The following S100PBP variants were observed in gnomAD, a reference collection of about 807,000 sequenced individuals.
The protein encoded by S100PBP is S100P-binding protein.
Under a neutral mutation model 39.9 loss-of-function variants are expected in S100PBP, and 15 were observed. That is an observed-to-expected ratio of 0.38 (90% CI 0.25 to 0.58). The LOEUF is 0.58. Among genes scored for constraint, S100PBP ranks in the 20% least tolerant of loss-of-function variants. The pLI is 0.70. For missense variants in S100PBP, 504 were observed against 487.3 expected (o/e 1.03, Z -0.32); for synonymous variants, 178 against 180.3 (o/e 0.99, Z 0.10).
At position 32,826,401 on chromosome 1, in the gene S100PBP, C is replaced by T. The variant is rs969356112; in HGVS notation, c.302C>T (p.Ser101Leu). ...LLDTPREKNS[S>L]YSLGPVAETP... The stretch of plus-strand genomic sequence containing the variant: ...GATACTCCCCGAGAGAAAAATTCAT[C>T]GTACAGCCTGGGACCAGTAGCTGAG... The change falls in exon 3 of 7, where the codon TCG (serine) becomes TTG (leucine). Residue 101 changes from serine (S) to leucine (L), a missense_variant. Transcript: ENST00000373475. The T allele has an allele frequency of 2.3e-5, 37 of 1,613,928 alleles. No homozygotes were observed. The highest frequency in any genetic ancestry group is 5.3e-5 in the African/African-American group (4 of 74,904).
At chr1:32,823,407 ACACC>A (rs1351257743) in intron 1 of S100PBP, among the ~76,000 whole-genome samples, 7 of 152,370 alleles carry the variant, frequency 4.6e-5, no homozygotes, top group African/African-American at 1.7e-4. Context: ...AGCTGCTTCA[ACACC>A]TAGAACTCTC....
At position 32,856,067 on chromosome 1, in the gene S100PBP, C is replaced by T; in HGVS notation, c.*29C>T. ...GTGTCATCCCATCAGCAATGAAGGT[C>T]CCTATCCAGGGTCCTGCTTGGAGCA... On this transcript the variant is annotated 3_prime_UTR_variant, in exon 7 of 7. Coordinates refer to ENST00000373475, the MANE Select transcript of S100PBP (RefSeq NM_022753.4). 1 of 1,425,904 alleles carries T rather than the reference C, an allele frequency of 7.0e-7. No individual in the cohort carries two copies. Among genetic ancestry groups the T allele is most frequent in the Non-Finnish European group, 9.9e-7 (1 of 1,009,884 alleles). 88.3% of individuals were successfully genotyped at this position (1,425,904 alleles called of 1,614,324 possible). A position where few individuals can be genotyped will look rare whatever the true frequency, so the allele number is the denominator to read the frequency against.
In S100PBP at chr1:32,857,722, G is replaced by A. The variant is rs1208407957; in HGVS notation, c.*1684G>A. 6.6e-6 allele frequency: 1 copy of A among 152,210 alleles called. No individual in the cohort carries two copies. The highest frequency in any genetic ancestry group is 2.4e-5 in the African/African-American group (1 of 41,456). The allele number at this position is 152,210 out of a possible 1,614,324, so 9.4% of individuals were successfully genotyped here. ...AGGCTGTTCATAGTTGCTATAGCCT[G>A]TGTTTAGTTTTGTGATTTCATCAAT... On this transcript the variant is annotated 3_prime_UTR_variant, in exon 7 of 7. Transcript: ENST00000373475.
chr1:32,822,348 C>T (rs1639109721), intron 1 of S100PBP, among the ~76,000 whole-genome samples: 2 of 151,968 alleles, frequency 1.3e-5, no homozygotes, highest in African/African-American at 2.4e-5. Context: ...CGCGGTGGCT[C>T]ACGCCTGTAA....
chr1:32,830,569 A>G (rs1188382513), intron 5 of S100PBP, among the ~76,000 whole-genome samples: 2 of 152,206 alleles, frequency 1.3e-5, no homozygotes, highest in East Asian at 3.8e-4. Context: ...CCACTTCATT[A>G]GAAGATATTG....
chr1:32,821,628 T>C (rs1049784190), intron 1 of S100PBP, among the ~76,000 whole-genome samples: 1 of 147,264 alleles, frequency 6.8e-6, no homozygotes, highest in African/African-American at 2.6e-5. Context: ...CCTGTTTCTT[T>C]TTTCTTTCTT....
chr1:32,854,524 C>G (rs1229267038), intron 6 of S100PBP, among the ~76,000 whole-genome samples: 1 of 152,142 alleles, frequency 6.6e-6, no homozygotes, highest in Admixed American at 6.5e-5. Flanking sequence ...TATGGAGGGT[C>G]AGCTGTATAT....
At chr1:32,820,287 C>G (rs956266745) in intron 1 of S100PBP, among the ~76,000 whole-genome samples, 1 of 151,700 alleles carries the variant, frequency 6.6e-6, no homozygotes, top group African/African-American at 2.4e-5. Context: ...GCTGGGATTA[C>G]AGGCATGCAC....
chr1:32,851,765 C>T (rs567822398), intron 5 of S100PBP, among the ~76,000 whole-genome samples: 1 of 152,278 alleles, frequency 6.6e-6, no homozygotes, highest in East Asian at 1.9e-4. Flanking sequence ...TTCTCAGGCC[C>T]TACCCAGATC....
In S100PBP at chr1:32,842,234, T is replaced by TACAC. The variant is rs772486087; in HGVS notation, c.1025-10844_1025-10843insCACA. On this transcript the variant is annotated intron_variant, in intron 5 of 6. Coordinates refer to ENST00000373475, the MANE Select transcript of S100PBP (RefSeq NM_022753.4). ...ATATATATATATGTATATATATATA[T>TACAC]ATACACACACACACACACACACACA... 1.6e-3 allele frequency among the ~76,000 whole-genome samples: 144 copies of TACAC among 91,916 alleles called. 1 individual carries two copies. The Middle Eastern group carries it at 0.017, about 11-fold the overall frequency. The allele number at this position is 91,916 out of a possible 152,430, so 60.3% of individuals were successfully genotyped here.
intron 5 of S100PBP, chr1:32,836,514 A>G: frequency 3.1e-6 from 3 of 975,372 alleles, no homozygotes; most frequent in Non-Finnish European, 3.7e-6. Flanking sequence ...TTGTGTCCCA[A>G]CTAAGTATTG....
intron 5 of S100PBP, among the ~76,000 whole-genome samples, chr1:32,842,315 GCTT>G (rs1182718493): frequency 7.0e-6 from 1 of 141,898 alleles, no homozygotes; most frequent in Non-Finnish European, 1.5e-5. Flanking sequence ...ATATTCAATT[GCTT>G]CTTTACCATT....
intron 5 of S100PBP, among the ~76,000 whole-genome samples, chr1:32,837,398 G>A (rs1335397287): frequency 1.4e-5 from 2 of 144,996 alleles, no homozygotes; most frequent in African/African-American, 5.1e-5. Context: ...CAGTTCTCCT[G>A]CCTCAGCCTC....
Position 32,826,559 on chromosome 1 carries a change from A to C in S100PBP, c.460A>C (p.Thr154Pro). ...AGTAACTGTTGCACCATTTAATCCA[A>C]CAGTTTGTGATGCTCTGCTTGATAA... ...IKVTVAPFNP[T>P]VCDALLDKDE... The change falls in exon 3 of 7, where the codon ACA (threonine) becomes CCA (proline). Residue 154 changes from threonine (T) to proline (P), a missense_variant. By Grantham distance (38) the Thr-to-Pro change is conservative (BLOSUM62 -1). Transcript: ENST00000373475. The C allele has an allele frequency of 1.2e-6, 2 of 1,613,882 alleles. No homozygotes were observed. Among genetic ancestry groups the C allele is most frequent in the South Asian group, 2.2e-5 (2 of 91,080 alleles).
intron 5 of S100PBP, among the ~76,000 whole-genome samples, chr1:32,840,495 T>C (rs775902404): frequency 4.6e-5 from 7 of 151,376 alleles, no homozygotes; most frequent in Non-Finnish European, 8.8e-5. Context: ...TAGCTGGGAT[T>C]ACAGGCACCC....
At chr1:32,820,777 A>G (rs1162036458) in intron 1 of S100PBP, among the ~76,000 whole-genome samples, 3 of 151,806 alleles carry the variant, frequency 2.0e-5, no homozygotes, top group African/African-American at 2.4e-5. Flanking sequence ...CCAATGCAGA[A>G]GGATCGCTTG....
At chr1:32,842,236 T>TGTATATATATATATATATATATAC in intron 5 of S100PBP, among the ~76,000 whole-genome samples, 1 of 80,876 alleles carries the variant, frequency 1.2e-5, no homozygotes, top group South Asian at 5.0e-4. Context: ...TATATATATA[T>TGTATATATATATATATATATATAC]ACACACACAC....
At chr1:32,836,534 A>C (rs1639826239) in intron 5 of S100PBP, 1 of 981,442 alleles carries the variant, frequency 1.0e-6, no homozygotes, top group Non-Finnish European at 1.2e-6. Context: ...GTTCACTGAA[A>C]AGCCAAGTAG....
chr1:32,851,956 T>C (rs1569953313), intron 5 of S100PBP, among the ~76,000 whole-genome samples: 2 of 152,318 alleles, frequency 1.3e-5, no homozygotes, highest in Admixed American at 1.3e-4. Flanking sequence ...GTCTCAATCG[T>C]TGAGTGCAAA....
Sources: gnomAD v4.1 joint callset for allele counts (sites outside exome capture counted in the v4.1 genomes callset) on GRCh38, gnomAD v4.1.1 for gene constraint, MANE v1.5 for transcripts, NCBI Gene and HGNC (gene_info 2026-07-23, HGNC 2026-07-21) for gene names.